The following TIAM1 variants were observed in gnomAD, a reference collection of about 807,000 sequenced individuals.
TIAM1 encodes TIAM Rac1 associated GEF 1, also known as rho guanine nucleotide exchange factor TIAM1.
In TIAM1, 65 loss-of-function variants were observed where a neutral mutation model predicts 163.5. The observed-to-expected ratio is 0.40, with a 90% CI of 0.33 to 0.49. The LOEUF (loss-of-function observed/expected upper bound fraction) is 0.49, where lower values mean the gene tolerates loss of function less well. TIAM1 is among the 20% of genes least tolerant of loss of function. The pLI is 0.77. For synonymous variants in TIAM1, 833 were observed against 810.1 expected, an observed-to-expected ratio of 1.03 and a Z score of -0.48; for missense variants, 1,789 against 2,044.7, an observed-to-expected ratio of 0.87 and a Z score of 2.41.
chr21:31,354,005 T>C (rs1310176761), intron 2 of TIAM1, among the ~76,000 whole-genome samples: 1 of 151,760 alleles, frequency 6.6e-6, no homozygotes, highest in Non-Finnish European at 1.5e-5. Flanking sequence ...GCCCAGCTAA[T>C]TTGTGTATTT....
intron 1 of TIAM1, among the ~76,000 whole-genome samples, chr21:31,474,615 G>A (rs925576295): frequency 1.1e-4 from 17 of 150,312 alleles, no homozygotes; most frequent in Middle Eastern, 3.4e-3. Context: ...ACGTGATCTC[G>A]GCTCACCGCA....
At chr21:31,130,387 A>T in intron 24 of TIAM1, 72 bp from the exon 25 acceptor site, 1 of 1,220,780 alleles carries the variant, frequency 8.2e-7, no homozygotes. Flanking sequence ...GCATTTTCTA[A>T]ACCAGCGACA....
At chr21:31,555,865 G>A (rs930259543) in intron 1 of TIAM1, among the ~76,000 whole-genome samples, 4 of 152,110 alleles carry the variant, frequency 2.6e-5, no homozygotes, top group Admixed American at 1.3e-4. Flanking sequence ...CCTGCTCAGG[G>A]CTCCAGGGTT....
chr21:31,346,310 G>C (rs1275601522), upstream of TIAM1, among the ~76,000 whole-genome samples: 4 of 152,138 alleles, frequency 2.6e-5, no homozygotes, highest in South Asian at 6.2e-4. Flanking sequence ...CAGGGACTTA[G>C]AAAAACATGA....
intron 2 of TIAM1, among the ~76,000 whole-genome samples, chr21:31,330,632 T>G (rs1260556709): frequency 6.6e-6 from 1 of 152,096 alleles, no homozygotes; most frequent in African/African-American, 2.4e-5. Context: ...GAGTTGGGGT[T>G]TCACCATGTT....
intron 2 of TIAM1, among the ~76,000 whole-genome samples, chr21:31,394,728 TCACACACACACA>T (rs71318270): frequency 1.6e-3 from 154 of 95,718 alleles, no homozygotes; most frequent in African/African-American, 5.2e-3. Context: ...TCTCTCTCTC[TCACACACACACA>T]CACACACACA....
At chr21:31,187,950 T>C (rs1035341091) in intron 13 of TIAM1, among the ~76,000 whole-genome samples, 9 of 152,118 alleles carry the variant, frequency 5.9e-5, no homozygotes, top group Non-Finnish European at 1.0e-4. Flanking sequence ...GGGGAACACA[T>C]GTCATTGTAT....
At chr21:31,303,642 G>A (rs1479442561) in intron 2 of TIAM1, among the ~76,000 whole-genome samples, 3 of 151,730 alleles carry the variant, frequency 2.0e-5, no homozygotes, top group Non-Finnish European at 4.4e-5. Context: ...AAAAGAACTA[G>A]ACCTTTAAAA....
intron 12 of TIAM1, among the ~76,000 whole-genome samples, chr21:31,199,876 C>G (rs2086102521): frequency 6.6e-6 from 1 of 150,546 alleles, no homozygotes; most frequent in East Asian, 2.0e-4. Context: ...TCCACTCCCT[C>G]TCTTCACTCA....
intron 2 of TIAM1, among the ~76,000 whole-genome samples, chr21:31,362,964 T>G (rs1159246874): frequency 6.6e-6 from 1 of 152,096 alleles, no homozygotes; most frequent in African/African-American, 2.4e-5. Context: ...TCCCCCTTTA[T>G]TTGTAATGTT....
At chr21:31,449,943 AG>A (rs1381562601) in intron 2 of TIAM1, among the ~76,000 whole-genome samples, 1 of 152,216 alleles carries the variant, frequency 6.6e-6, no homozygotes, top group Non-Finnish European at 1.5e-5. Context: ...GTTGAGAGGA[AG>A]GCCAGAGGGG....
chr21:31,243,192 CA>C (rs60242603), intron 6 of TIAM1, among the ~76,000 whole-genome samples: 56,674 of 100,718 alleles, frequency 0.56, 16,541 homozygotes, highest in Non-Finnish European at 0.69. Flanking sequence ...AACTTCATCT[CA>C]AAAAAAAAAA....
chr21:31,314,787 TA>T (rs2075048334), intron 2 of TIAM1, among the ~76,000 whole-genome samples: 1 of 152,172 alleles, frequency 6.6e-6, no homozygotes, highest in South Asian at 2.1e-4. Flanking sequence ...ACAGACTTGC[TA>T]ATTTCAGCGC....
chr21:31,452,823 G>A, intron 2 of TIAM1: 1 of 531,312 alleles, frequency 1.9e-6, no homozygotes, highest in South Asian at 1.4e-5. Context: ...AGAGGAGCTT[G>A]AGGATGACCC....
At chr21:31,507,223 T>C (rs1393413410) in intron 1 of TIAM1, among the ~76,000 whole-genome samples, 4 of 98,830 alleles carry the variant, frequency 4.0e-5, no homozygotes, top group Non-Finnish European at 7.9e-5. Context: ...TTTTTTTTTT[T>C]GAGACAGAGT....
At chr21:31,268,514 T>A (rs532324493) in intron 3 of TIAM1, among the ~76,000 whole-genome samples, 2 of 152,350 alleles carry the variant, frequency 1.3e-5, no homozygotes, top group African/African-American at 4.8e-5. Context: ...CTCCATTGAA[T>A]GTTCCAGTGA....
chr21:31,301,190 G>A (rs1452007807), intron 2 of TIAM1, among the ~76,000 whole-genome samples: 1 of 152,190 alleles, frequency 6.6e-6, no homozygotes, highest in African/African-American at 2.4e-5. Flanking sequence ...ATGCAGATGT[G>A]CTATCCTCAC....
chr21:31,416,246 C>G (rs974571951), intron 2 of TIAM1, among the ~76,000 whole-genome samples: 2 of 152,286 alleles, frequency 1.3e-5, no homozygotes, highest in Admixed American at 1.3e-4. Context: ...CTCTGCCACC[C>G]GATGCCTCCC....
At chr21:31,432,880 T>C (rs1462455142) in intron 2 of TIAM1, among the ~76,000 whole-genome samples, 1 of 151,962 alleles carries the variant, frequency 6.6e-6, no homozygotes, top group Admixed American at 6.6e-5. Flanking sequence ...CAAAGGGGAG[T>C]GGCAATGATC....
Sources: gnomAD v4.1 joint callset for allele counts (sites outside exome capture counted in the v4.1 genomes callset) on GRCh38, gnomAD v4.1.1 for gene constraint, MANE v1.5 for transcripts, NCBI Gene and HGNC (gene_info 2026-07-23, HGNC 2026-07-21) for gene names.